Variants in ENTREP1 observed in about 807,000 individuals in gnomAD.
The protein encoded by ENTREP1 is endosomal transmembrane epsin interactor 1.
chr9:69,331,835 T>C, the ENTREP1 span, among the ~76,000 whole-genome samples: 5 of 152,242 alleles, frequency 3.3e-5, no homozygotes, highest in Admixed American at 3.3e-4. Context: ...CAAGCCCTCA[T>C]CGTGATACAG....
the ENTREP1 span, among the ~76,000 whole-genome samples, chr9:69,372,075 A>G: frequency 6.6e-6 from 1 of 152,206 alleles, no homozygotes; most frequent in Non-Finnish European, 1.5e-5. Flanking sequence ...GGAGTCTGGG[A>G]CAGCAGGCTG....
chr9:69,386,919 C>G, the ENTREP1 span: 1 of 152,306 alleles, frequency 6.6e-6, no homozygotes, highest in African/African-American at 2.4e-5. Context: ...AGCCTGGCTT[C>G]TGATTCCCAA....
chr9:69,360,732 A>G, the ENTREP1 span, among the ~76,000 whole-genome samples: 2 of 151,932 alleles, frequency 1.3e-5, no homozygotes, highest in African/African-American at 4.8e-5. Flanking sequence ...TTTCACCATT[A>G]TCTTGGGCGT....
chr9:69,344,718 A>T, the ENTREP1 span, among the ~76,000 whole-genome samples: 1 of 152,178 alleles, frequency 6.6e-6, no homozygotes, highest in Non-Finnish European at 1.5e-5. Context: ...CTGTGGATGC[A>T]CTGTAGCCCT....
the ENTREP1 span, chr9:69,371,631 C>G: frequency 6.8e-7 from 1 of 1,472,410 alleles, no homozygotes; most frequent in East Asian, 2.3e-5. Flanking sequence ...TAAAACATCA[C>G]TGTGCATCTA....
chr9:69,342,663 G>A, the ENTREP1 span, among the ~76,000 whole-genome samples: 11 of 152,134 alleles, frequency 7.2e-5, no homozygotes, highest in East Asian at 2.1e-3. Context: ...TGTACAAATG[G>A]GATTTAAGGC....
the ENTREP1 span, chr9:69,392,125 T>A: frequency 2.7e-6 from 1 of 368,314 alleles, no homozygotes; most frequent in Admixed American, 4.1e-5. Flanking sequence ...CTTTGCCCAC[T>A]TCACCCCTCG....
At chr9:69,384,337 A>T in the ENTREP1 span, among the ~76,000 whole-genome samples, 1 of 152,338 alleles carries the variant, frequency 6.6e-6, no homozygotes, top group South Asian at 2.1e-4. Flanking sequence ...TATAAATGGG[A>T]GAAAATATGT....
chr9:69,367,467 T>C, the ENTREP1 span, among the ~76,000 whole-genome samples: 65,552 of 150,476 alleles, frequency 0.44, 14,751 homozygotes, highest in African/African-American at 0.55. Context: ...TTTGATAATA[T>C]TAATTTTTCC....
the ENTREP1 span, chr9:69,388,333 G>C: frequency 5.6e-6 from 9 of 1,614,184 alleles, no homozygotes; most frequent in Non-Finnish European, 6.8e-6. Flanking sequence ...TCCTGGAGCA[G>C]TCCTCTTGTA....
chr9:69,361,501 C>T, the ENTREP1 span, among the ~76,000 whole-genome samples: 7 of 152,276 alleles, frequency 4.6e-5, no homozygotes, highest in Admixed American at 1.3e-4. Context: ...ATTCCACTTA[C>T]GAAATGTACT....
the ENTREP1 span, among the ~76,000 whole-genome samples, chr9:69,330,084 A>C: frequency 1.5e-5 from 2 of 133,228 alleles, no homozygotes; most frequent in African/African-American, 5.8e-5. Flanking sequence ...ATGGGAGTTA[A>C]CTAGGTTCCA....
At chr9:69,334,643 T>G in the ENTREP1 span, among the ~76,000 whole-genome samples, 1 of 152,230 alleles carries the variant, frequency 6.6e-6, no homozygotes, top group African/African-American at 2.4e-5. Context: ...TCAAATGGCA[T>G]CAGCACATCC....
At chr9:69,358,237 T>C in the ENTREP1 span, among the ~76,000 whole-genome samples, 1 of 152,220 alleles carries the variant, frequency 6.6e-6, no homozygotes, top group African/African-American at 2.4e-5. Flanking sequence ...GAGGAAGTGA[T>C]GAGTTCCCAG....
the ENTREP1 span, among the ~76,000 whole-genome samples, chr9:69,367,792 T>TATATAAATATATATACACAC: frequency 3.3e-4 from 14 of 43,070 alleles, no homozygotes; most frequent in East Asian, 5.0e-4. Flanking sequence ...TATACACACA[T>TATATAAATATATATACACAC]ATATATAAAT....
the ENTREP1 span, chr9:69,336,330 C>A: frequency 3.0e-6 from 3 of 995,352 alleles, no homozygotes; most frequent in South Asian, 3.0e-5. Flanking sequence ...GAAGTCTGTT[C>A]ATATAAACCA....
the ENTREP1 span, among the ~76,000 whole-genome samples, chr9:69,339,734 G>T: frequency 6.6e-6 from 1 of 152,154 alleles, no homozygotes; most frequent in Admixed American, 6.5e-5. Context: ...CATGCTGTAG[G>T]CTCAGGGGCA....
At chr9:69,382,115 G>C in the ENTREP1 span, 4 of 152,430 alleles carry the variant, frequency 2.6e-5, no homozygotes, top group African/African-American at 2.4e-5. Flanking sequence ...TAGGAAGGTG[G>C]CTCATGGGGG....
the ENTREP1 span, chr9:69,329,762 G>C: frequency 3.5e-6 from 2 of 571,882 alleles, no homozygotes; most frequent in East Asian, 2.9e-4. Flanking sequence ...CTCTCGGTTT[G>C]GGGGGTGCGT....
Sources: allele counts gnomAD v4.1 joint callset (sites outside exome capture counted in the v4.1 genomes callset), GRCh38; gene constraint gnomAD v4.1.1; transcripts MANE v1.5; gene names NCBI Gene and HGNC (gene_info 2026-07-23, HGNC 2026-07-21).